IPO11: variants seen among roughly 807,000 people sequenced by gnomAD.
The protein encoded by IPO11 is importin 11.
Under a neutral mutation model 143.2 loss-of-function variants are expected in IPO11, and 66 were observed. That is an observed-to-expected ratio of 0.46 (90% CI 0.38 to 0.57). The LOEUF is 0.57. IPO11 is among the 20% of genes least tolerant of loss of function. IPO11 has a pLI of 0.00. For synonymous variants in IPO11, 385 were observed against 377.8 expected (o/e 1.02, Z -0.22); for missense variants, 1,026 against 1,141.0 (o/e 0.90, Z 1.45).
In IPO11 at chr5:62,456,561, A is replaced by G. The variant is rs928730991; in HGVS notation, c.516+4628A>G. On this transcript the variant is annotated intron_variant, in intron 5 of 29. Transcript: ENST00000325324. Reference sequence around the variant, plus strand: ...AACCTTGACCTCCTAGGCTCAAGCAATCCTCTCACCTCAGCCTCCCAAGTA... The same window carrying G: ...AACCTTGACCTCCTAGGCTCAAGCAGTCCTCTCACCTCAGCCTCCCAAGTA... Among the ~76,000 whole-genome samples, 9 of 152,136 alleles carry G rather than the reference A, an allele frequency of 5.9e-5. No individual in the cohort carries two copies. The South Asian group carries it at 1.7e-3, about 28-fold the overall frequency.
chr5:62,529,888 G>A (rs112230868), intron 21 of IPO11, among the ~76,000 whole-genome samples: 2,108 of 152,270 alleles, frequency 0.014, 19 homozygotes, highest in Middle Eastern at 0.041. Context: ...TGTGTATTAT[G>A]TCATGGATTG....
intron 5 of IPO11, among the ~76,000 whole-genome samples, chr5:62,456,780 C>A (rs563103841): frequency 6.6e-6 from 1 of 152,140 alleles, no homozygotes; most frequent in Non-Finnish European, 1.5e-5. Flanking sequence ...ACGCAACCCC[C>A]CTATTTAGTA....
At chr5:62,537,322 G>T (rs1306538729) in intron 24 of IPO11, 33 bp downstream of exon 24, 1 of 1,289,818 alleles carries the variant, frequency 7.8e-7, no homozygotes, top group Non-Finnish European at 1.1e-6. Context: ...ATATATTTAT[G>T]AATTTTTCAT....
chr5:62,573,269 C>G (rs1415986085), intron 27 of IPO11, among the ~76,000 whole-genome samples: 1 of 152,050 alleles, frequency 6.6e-6, no homozygotes, highest in Non-Finnish European at 1.5e-5. Context: ...TATAGGGCTC[C>G]TGTGAGGATT....
intron 29 of IPO11, among the ~76,000 whole-genome samples, chr5:62,619,220 C>A (rs1032405419): frequency 1.3e-5 from 2 of 152,206 alleles, no homozygotes; most frequent in African/African-American, 2.4e-5. Context: ...CACAGCGAGA[C>A]CCTGTTTCTA....
intron 28 of IPO11, among the ~76,000 whole-genome samples, chr5:62,592,291 T>G (rs1745051637): frequency 6.6e-6 from 1 of 152,218 alleles, no homozygotes; most frequent in Admixed American, 6.5e-5. Flanking sequence ...CATGCTCTTT[T>G]TTTTTCAGTT....
intron 29 of IPO11, among the ~76,000 whole-genome samples, chr5:62,620,294 C>T (rs1465541964): frequency 2.0e-5 from 3 of 151,970 alleles, no homozygotes; most frequent in Non-Finnish European, 2.9e-5. Flanking sequence ...CCGAGGTGGG[C>T]GGATCACGAG....
At chr5:62,580,934 A>G (rs1226238628) in intron 27 of IPO11, 2 of 1,551,244 alleles carry the variant, frequency 1.3e-6, no homozygotes, top group Non-Finnish European at 1.7e-6. Context: ...TTGGAAAAAA[A>G]CAGTGCTCTA....
chr5:62,506,388 G>T (rs1381435932), intron 19 of IPO11, 31 bp downstream of exon 19: 4 of 1,182,112 alleles, frequency 3.4e-6, no homozygotes, highest in Non-Finnish European at 5.0e-6. Context: ...GAAAATAAAT[G>T]AGGGGTGGGT....
chr5:62,432,185 T>G (rs247240), intron 1 of IPO11, among the ~76,000 whole-genome samples: 63,234 of 151,972 alleles, frequency 0.42, 13,429 homozygotes, highest in East Asian at 0.6. Context: ...CCAAACTTGA[T>G]TTGGGTACTT....
In IPO11 at chr5:62,483,095, C is replaced by A. The variant is rs1022583951; in HGVS notation, c.829-6C>A. On this transcript the variant is annotated splice_polypyrimidine_tract_variant and splice_region_variant and intron_variant, in intron 9 of 29. Transcript: ENST00000325324. Reference sequence around the variant, plus strand: ...TTTTAATTTTTATTTATTTATTTTTCTACAGCTTTTGGACTTCTTGGATCA... The same window carrying A: ...TTTTAATTTTTATTTATTTATTTTTATACAGCTTTTGGACTTCTTGGATCA... 6 of 1,524,994 alleles carry A rather than the reference C, an allele frequency of 3.9e-6. No homozygotes were observed. Among genetic ancestry groups the A allele is most frequent in the Non-Finnish European group, 5.4e-6 (6 of 1,117,916 alleles). 94.5% of individuals were successfully genotyped at this position (1,524,994 alleles called of 1,614,324 possible). A position where few individuals can be genotyped will look rare whatever the true frequency, so the allele number is the denominator to read the frequency against.
chr5:62,514,615 A>AC (rs1232455225), intron 19 of IPO11, among the ~76,000 whole-genome samples: 3 of 140,032 alleles, frequency 2.1e-5, no homozygotes, highest in African/African-American at 9.2e-5. Context: ...GGAGAGGGAG[A>AC]GGGAGAGGGA....
chr5:62,418,407 C>T (rs1233356457), intron 1 of IPO11, among the ~76,000 whole-genome samples: 1 of 152,172 alleles, frequency 6.6e-6, no homozygotes, highest in African/African-American at 2.4e-5. Flanking sequence ...CCTGCCTCGG[C>T]CTTCTAAAGT....
At chr5:62,588,744 A>G (rs115987797) in intron 27 of IPO11, among the ~76,000 whole-genome samples, 2 of 152,190 alleles carry the variant, frequency 1.3e-5, no homozygotes, top group African/African-American at 4.8e-5. Context: ...CTCCATATGT[A>G]TATCTGCTTA....
At chr5:62,452,625 T>C (rs994084747) in intron 5 of IPO11, among the ~76,000 whole-genome samples, 2 of 150,640 alleles carry the variant, frequency 1.3e-5, no homozygotes, top group African/African-American at 5.0e-5. Flanking sequence ...GACAGCCTTT[T>C]ATCAGGTTTT....
At chr5:62,552,689 AGGGGCCT>A (rs1743429292) in intron 26 of IPO11, among the ~76,000 whole-genome samples, 1 of 152,118 alleles carries the variant, frequency 6.6e-6, no homozygotes, top group East Asian at 1.9e-4. Flanking sequence ...TGTTTCCATG[AGGGGCCT>A]GGTCATGTTT....
intron 4 of IPO11, among the ~76,000 whole-genome samples, chr5:62,450,962 CT>C (rs1744903809): frequency 6.6e-6 from 1 of 152,046 alleles, no homozygotes; most frequent in Non-Finnish European, 1.5e-5. Flanking sequence ...GATCTCTGTT[CT>C]TTGCTCTTTC....
At position 62,452,720 on chromosome 5, in the gene IPO11, T is replaced by TGG. The variant is rs1339526865; in HGVS notation, c.516+790_516+791dup. Among the ~76,000 whole-genome samples, 119 of 104,692 alleles carry TGG rather than the reference T, an allele frequency of 1.1e-3. 3 individuals carry two copies. The highest frequency in any genetic ancestry group is 5.2e-3 in the African/African-American group (114 of 22,032). 68.7% of individuals were successfully genotyped at this position (104,692 alleles called of 152,430 possible). On this transcript the variant is annotated intron_variant, in intron 5 of 29. Coordinates refer to ENST00000325324, the MANE Select transcript of IPO11 (RefSeq NM_016338.5). ...AGACAGGGTTTTGTTCTGTTTTTGG[T>TGG]GGGGTGTGTGTGTGTGTGTGTGTGT...
intron 29 of IPO11, 29 bp downstream of exon 29, chr5:62,601,877 T>C: frequency 7.4e-7 from 1 of 1,359,394 alleles, no homozygotes; most frequent in East Asian, 2.3e-5. Context: ...TTGTAAAAAT[T>C]AAGAACCATA....
Sources: allele counts gnomAD v4.1 joint callset (sites outside exome capture counted in the v4.1 genomes callset), GRCh38; gene constraint gnomAD v4.1.1; transcripts MANE v1.5; gene names NCBI Gene and HGNC (gene_info 2026-07-23, HGNC 2026-07-21).